COPG2: variants seen among roughly 807,000 people sequenced by gnomAD.
The protein encoded by COPG2 is coat protein complex I subunit gamma 2.
A neutral mutation model predicts 46.3 loss-of-function variants in COPG2; 37 were observed. The observed-to-expected ratio is 0.80, with a 90% confidence interval of 0.61 to 1.05. The LOEUF (loss-of-function observed/expected upper bound fraction) is 1.05, where lower values mean the gene tolerates loss of function less well. Among genes scored for constraint, COPG2 ranks in the 50% least tolerant of loss-of-function variants. COPG2 has a pLI of 0.00. For synonymous variants in COPG2, 159 were observed against 129.7 expected (o/e 1.23, Z -1.53); for missense variants, 427 against 387.8 (o/e 1.10, Z -0.85).
intron 5 of COPG2, among the ~76,000 whole-genome samples, chr7:130,649,274 C>T (rs143162490): frequency 1.3e-5 from 2 of 152,158 alleles, no homozygotes; most frequent in African/African-American, 2.4e-5. Context: ...TTTTCCTGAC[C>T]GTGAAACTCC....
At chr7:130,617,346 C>T (rs1214855164) in intron 5 of COPG2, among the ~76,000 whole-genome samples, 1 of 152,186 alleles carries the variant, frequency 6.6e-6, no homozygotes, top group African/African-American at 2.4e-5. Context: ...GTAAACAAAA[C>T]AACCCCTTCC....
At chr7:130,550,918 C>T (rs1793527776) in intron 16 of COPG2, among the ~76,000 whole-genome samples, 1 of 152,048 alleles carries the variant, frequency 6.6e-6, no homozygotes, top group African/African-American at 2.4e-5. Context: ...AGCAACTTAG[C>T]TATATGGGAA....
At chr7:130,539,937 G>C (rs1314207308) in intron 20 of COPG2, among the ~76,000 whole-genome samples, 1 of 152,172 alleles carries the variant, frequency 6.6e-6, no homozygotes, top group Admixed American at 6.5e-5. Context: ...GGACAGCAAT[G>C]GGCAGGAAGG....
chr7:130,554,802 C>T (rs1383011399), intron 13 of COPG2, 78 bp from the exon 14 acceptor site: 9 of 398,136 alleles, frequency 2.3e-5, no homozygotes, highest in African/African-American at 1.9e-4. Context: ...AAGGTTTATG[C>T]TTATAATATT....
intron 5 of COPG2, among the ~76,000 whole-genome samples, chr7:130,642,017 A>C (rs1554457385): frequency 6.6e-6 from 1 of 152,194 alleles, no homozygotes; most frequent in East Asian, 1.9e-4. Context: ...GTACTTCCTA[A>C]TGTGAGTGAT....
chr7:130,595,814 C>T (rs1388186201), intron 9 of COPG2, among the ~76,000 whole-genome samples: 1 of 152,044 alleles, frequency 6.6e-6, no homozygotes, highest in Non-Finnish European at 1.5e-5. Flanking sequence ...CCCCCCCCCT[C>T]CAGCCTACCA....
rs113177024 is a variant in COPG2, at chr7:130,508,789, T to C, written c.2150-130A>G. Reference sequence around the variant, plus strand: ...ACACATGCCCTGTTGTCTGGGGTAGTGGTTCTCAAAAGCAGCCTACAAGCG... The same window carrying C: ...ACACATGCCCTGTTGTCTGGGGTAGCGGTTCTCAAAAGCAGCCTACAAGCG... On this transcript the variant is annotated intron_variant, in intron 20 of 23. Transcript: ENST00000425248. The C allele has an allele frequency of 6.3e-3, 3,920 of 621,134 alleles. 110 individuals carry two copies. In the African/African-American group the frequency reaches 0.064, roughly 10 times the overall value. 38.5% of individuals were successfully genotyped at this position (621,134 alleles called of 1,614,324 possible). A position where few individuals can be genotyped will look rare whatever the true frequency, so the allele number is the denominator to read the frequency against.
At chr7:130,509,881 TA>T in intron 20 of COPG2, 1 of 487,726 alleles carries the variant, frequency 2.1e-6, no homozygotes, top group South Asian at 1.5e-5. Flanking sequence ...TGAAACGATA[TA>T]ATAGTTTAAC....
At chr7:130,549,702 T>C (rs1167305623) in intron 17 of COPG2, among the ~76,000 whole-genome samples, 1 of 152,238 alleles carries the variant, frequency 6.6e-6, no homozygotes, top group Non-Finnish European at 1.5e-5. Context: ...AAATTACTTA[T>C]ATCAACAGAA....
chr7:130,659,956 A>T (rs1178568271), intron 4 of COPG2, among the ~76,000 whole-genome samples: 1 of 152,248 alleles, frequency 6.6e-6, no homozygotes, highest in Non-Finnish European at 1.5e-5. Context: ...ATTTTAAGAC[A>T]CACAAAAATG....
intron 9 of COPG2, chr7:130,607,842 A>G (rs1308371995): frequency 5.8e-6 from 3 of 517,542 alleles, no homozygotes; most frequent in African/African-American, 5.8e-5. Context: ...AGAATAGCAA[A>G]AAAACCCCAC....
intron 4 of COPG2, among the ~76,000 whole-genome samples, chr7:130,661,430 G>C (rs1266514850): frequency 1.3e-5 from 2 of 152,172 alleles, no homozygotes; most frequent in Non-Finnish European, 2.9e-5. Context: ...AACCTGCCTA[G>C]TTTTCTAGTC....
intron 22 of COPG2, 42 bp from the exon 23 acceptor site, chr7:130,507,414 G>C (rs1407152107): frequency 2.6e-6 from 2 of 779,144 alleles, no homozygotes; most frequent in Non-Finnish European, 4.8e-6. Flanking sequence ...GGAAAGTAAA[G>C]CACAGGGATC....
intron 20 of COPG2, among the ~76,000 whole-genome samples, chr7:130,533,047 A>T (rs1253199564): frequency 2.0e-5 from 3 of 152,090 alleles, no homozygotes; most frequent in African/African-American, 7.2e-5. Context: ...AGTTTGCAGC[A>T]CGTGGAAAAG....
intron 20 of COPG2, among the ~76,000 whole-genome samples, chr7:130,529,153 G>C (rs1002309072): frequency 6.6e-5 from 10 of 152,142 alleles, no homozygotes; most frequent in Non-Finnish European, 1.0e-4. Context: ...ATAGCAGATG[G>C]ATCCAATGCT....
At chr7:130,635,351 T>G (rs1320596456) in intron 5 of COPG2, among the ~76,000 whole-genome samples, 1 of 152,126 alleles carries the variant, frequency 6.6e-6, no homozygotes, top group Non-Finnish European at 1.5e-5. Flanking sequence ...GGGCTTTTTT[T>G]GGTTGGTAGG....
intron 9 of COPG2, among the ~76,000 whole-genome samples, chr7:130,569,834 A>G (rs2116414143): frequency 6.6e-6 from 1 of 152,364 alleles, no homozygotes; most frequent in East Asian, 1.9e-4. Context: ...CAAATTCAAC[A>G]GCATATCAAA....
intron 1 of COPG2, among the ~76,000 whole-genome samples, chr7:130,668,145 C>T (rs1796125955): frequency 6.6e-6 from 1 of 152,162 alleles, no homozygotes; most frequent in Non-Finnish European, 1.5e-5. Context: ...GACAGTCTTG[C>T]CCCCGGGGAC....
At chr7:130,615,658 T>C (rs1584581290) in intron 6 of COPG2, among the ~76,000 whole-genome samples, 3 of 152,244 alleles carry the variant, frequency 2.0e-5, no homozygotes, top group Admixed American at 6.5e-5. Flanking sequence ...GGACTGTTTA[T>C]TTATAAAAGA....
Sources: gnomAD v4.1 joint callset for allele counts (sites outside exome capture counted in the v4.1 genomes callset) on GRCh38, gnomAD v4.1.1 for gene constraint, MANE v1.5 for transcripts, NCBI Gene and HGNC (gene_info 2026-07-23, HGNC 2026-07-21) for gene names.